Variants in ITSN1 observed in about 807,000 individuals in gnomAD.
ITSN1 encodes the protein intersectin 1, also known as intersectin-1.
A neutral mutation model predicts 239.8 loss-of-function variants in ITSN1; 58 were observed. That is an observed-to-expected ratio of 0.24 (90% CI 0.20 to 0.30). The LOEUF (loss-of-function observed/expected upper bound fraction) is 0.30, where lower values mean the gene tolerates loss of function less well. Ranked by LOEUF, ITSN1 falls within the 10% of genes least tolerant of loss-of-function variation. ITSN1 has a pLI of 1.00. For missense variants in ITSN1, 1,558 were observed against 2,103.3 expected (o/e 0.74, Z 5.07); for synonymous variants, 780 against 770.8 (o/e 1.01, Z -0.20).
intron 1 of ITSN1, among the ~76,000 whole-genome samples, chr21:33,671,487 G>A (rs986655320): frequency 1.5e-4 from 23 of 152,026 alleles, no homozygotes; most frequent in Admixed American, 1.1e-3. Flanking sequence ...GTTTCACCGC[G>A]TTGGTCAGGC....
At chr21:33,708,254 G>A (rs1339345418) in intron 1 of ITSN1, among the ~76,000 whole-genome samples, 2 of 152,116 alleles carry the variant, frequency 1.3e-5, no homozygotes, top group East Asian at 1.9e-4. Flanking sequence ...GTGGATACAA[G>A]TACTTTTTCT....
At chr21:33,784,308 A>ACACACAC (rs1350887620) in intron 16 of ITSN1, among the ~76,000 whole-genome samples, 1 of 87,310 alleles carries the variant, frequency 1.1e-5, no homozygotes, top group Admixed American at 1.3e-4. Context: ...CTGTCTCTAC[A>ACACACAC]AAACACACAC....
intron 1 of ITSN1, 149 bp from the exon 2 acceptor site, chr21:33,718,648 A>G (rs1048466014): frequency 4.7e-5 from 30 of 640,736 alleles, no homozygotes; most frequent in Admixed American, 4.0e-4. Flanking sequence ...CTTAAAAAGT[A>G]ACACGTGAAT....
intron 1 of ITSN1, among the ~76,000 whole-genome samples, chr21:33,651,896 A>G (rs1161167603): frequency 1.3e-5 from 2 of 152,208 alleles, no homozygotes; most frequent in African/African-American, 4.8e-5. Context: ...ATTATCTGTT[A>G]TCTTTAGTTG....
chr21:33,672,506 G>A (rs929787319), intron 1 of ITSN1, among the ~76,000 whole-genome samples: 2 of 152,146 alleles, frequency 1.3e-5, no homozygotes, highest in African/African-American at 4.8e-5. Flanking sequence ...GAAGAAAAGG[G>A]AACGCTTGTA....
chr21:33,657,704 A>G (rs9647067), intron 1 of ITSN1, among the ~76,000 whole-genome samples: 111,499 of 152,156 alleles, frequency 0.73, 41,709 homozygotes, highest in East Asian at 0.98. Context: ...TCCACATATA[A>G]GCAGGGCTCC....
chr21:33,749,542 T>A (rs954798168), intron 5 of ITSN1, among the ~76,000 whole-genome samples: 2 of 151,358 alleles, frequency 1.3e-5, no homozygotes, highest in African/African-American at 4.9e-5. Flanking sequence ...TTCAGGAGAC[T>A]GAGGCAGGAG....
intron 1 of ITSN1, among the ~76,000 whole-genome samples, chr21:33,699,117 T>C (rs2091909438): frequency 6.6e-6 from 1 of 152,138 alleles, no homozygotes; most frequent in Non-Finnish European, 1.5e-5. Flanking sequence ...CTGAGGATGT[T>C]TTTATATCCT....
At chr21:33,727,911 G>C (rs932661070) in intron 4 of ITSN1, among the ~76,000 whole-genome samples, 3 of 151,776 alleles carry the variant, frequency 2.0e-5, no homozygotes, top group Admixed American at 1.3e-4. Context: ...CATCTGGACT[G>C]GGTTCTCTCT....
At chr21:33,656,600 A>G (rs111689059) in intron 1 of ITSN1, among the ~76,000 whole-genome samples, 4 of 152,206 alleles carry the variant, frequency 2.6e-5, no homozygotes, top group East Asian at 1.9e-4. Flanking sequence ...CAGTGGTGCA[A>G]TCTTGGCTCA....
intron 1 of ITSN1, among the ~76,000 whole-genome samples, chr21:33,676,985 A>G (rs1440362468): frequency 7.1e-6 from 1 of 140,288 alleles, no homozygotes; most frequent in Non-Finnish European, 1.5e-5. Context: ...GGTGGGGAAC[A>G]TCACACACCG....
intron 12 of ITSN1, 88 bp from the exon 13 acceptor site, chr21:33,774,640 GA>G: frequency 8.0e-7 from 1 of 1,249,888 alleles, no homozygotes; most frequent in South Asian, 1.5e-5. Flanking sequence ...TCCCTAAAAG[GA>G]AAGACTTCCT....
intron 3 of ITSN1, 31 bp from the exon 4 acceptor site, chr21:33,722,557 T>C (rs2147107014): frequency 1.9e-6 from 3 of 1,551,412 alleles, no homozygotes; most frequent in Non-Finnish European, 2.6e-6. Flanking sequence ...TTTTTTTTTT[T>C]TTCCTGAAAC....
In ITSN1 at chr21:33,875,348, G is replaced by T; in HGVS notation, c.4174-6G>T. On this transcript the variant is annotated splice_polypyrimidine_tract_variant and splice_region_variant and intron_variant, in intron 33 of 39. Coordinates refer to ENST00000381318, the MANE Select transcript of ITSN1 (RefSeq NM_003024.3). ...AGGAGGTGGTTGTTTTTATTCTCCT[G>T]TGTAGATCCTGGAAAACACCCCTGA... 1 of 1,614,134 alleles carries T rather than the reference G, an allele frequency of 6.2e-7. No homozygotes were observed. Among genetic ancestry groups the T allele is most frequent in the Non-Finnish European group, 8.5e-7 (1 of 1,179,976 alleles).
In ITSN1 at chr21:33,679,698, CTTTTTT is replaced by C. The variant is rs34301203; in HGVS notation, c.-33+37003_-33+37008del. Among the ~76,000 whole-genome samples, 115 of 86,324 alleles carry C rather than the reference CTTTTTT, an allele frequency of 1.3e-3. No individual in the cohort carries two copies. In the East Asian group the frequency reaches 0.023, roughly 18 times the overall value. 56.6% of individuals were successfully genotyped at this position (86,324 alleles called of 152,430 possible). ...TTTTGTGTGTTTTTTGATCCTTATC[CTTTTTT>C]TTTTTTTTTTTTTTTTTGAGACGGA... On this transcript the variant is annotated intron_variant, in intron 1 of 39. Transcript: ENST00000381318.
At chr21:33,803,685 T>A (rs1478903365) in intron 20 of ITSN1, among the ~76,000 whole-genome samples, 1 of 152,246 alleles carries the variant, frequency 6.6e-6, no homozygotes, top group African/African-American at 2.4e-5. Flanking sequence ...TCGTGTTGAA[T>A]TTTATAGACT....
chr21:33,648,313 G>C (rs1181987876), intron 1 of ITSN1, among the ~76,000 whole-genome samples: 2 of 152,288 alleles, frequency 1.3e-5, no homozygotes, highest in South Asian at 2.1e-4. Flanking sequence ...CAGATGCCTT[G>C]GAAACTAGGG....
At chr21:33,767,337 G>C (rs185352050) in intron 10 of ITSN1, among the ~76,000 whole-genome samples, 202 of 152,276 alleles carry the variant, frequency 1.3e-3, no homozygotes, top group African/African-American at 4.7e-3. Context: ...CTCCTAGTGA[G>C]CTGAGCTGCT....
At chr21:33,828,606 T>G (rs115486570) in intron 26 of ITSN1, among the ~76,000 whole-genome samples, 201 of 152,328 alleles carry the variant, frequency 1.3e-3, no homozygotes, top group African/African-American at 4.7e-3. Flanking sequence ...TCCTTTCCAT[T>G]CTTCTTTACT....
Sources: allele counts gnomAD v4.1 joint callset (sites outside exome capture counted in the v4.1 genomes callset), GRCh38; gene constraint gnomAD v4.1.1; transcripts MANE v1.5; gene names NCBI Gene and HGNC (gene_info 2026-07-23, HGNC 2026-07-21).